MYO9A: variants seen among roughly 807,000 people sequenced by gnomAD.
MYO9A encodes unconventional myosin-IXa.
A neutral mutation model predicts 293.3 loss-of-function variants in MYO9A; 103 were observed. That is an observed-to-expected ratio of 0.35 (90% CI 0.30 to 0.41). The LOEUF is 0.41. Among genes scored for constraint, MYO9A ranks in the 10% least tolerant of loss-of-function variants. MYO9A has a pLI of 1.00. For synonymous variants in MYO9A, 1,001 were observed against 1,035.7 expected (o/e 0.97, Z 0.64); for missense variants, 2,685 against 3,033.0 (o/e 0.89, Z 2.69).
intron 1 of MYO9A, among the ~76,000 whole-genome samples, chr15:72,077,742 AAAAAAAAAAAATATATATATATAT>A (rs2079404359): frequency 2.9e-5 from 1 of 33,966 alleles, no homozygotes; most frequent in South Asian, 8.8e-4. Flanking sequence ...AGAAAAAAAA[AAAAAAAAAAAATATATATATATAT>A]ATATATATAT....
chr15:72,041,076 C>T lies in MYO9A; in HGVS notation c.840+4648G>A, dbSNP rs1355761564. On this transcript the variant is annotated intron_variant, in intron 2 of 41. Coordinates refer to ENST00000356056, the MANE Select transcript of MYO9A (RefSeq NM_006901.4). ...CCTGGGCAACATGGTAAAACTCCAT[C>T]TCTACAAAAAATACAAAAATTAGCC... is the stretch of plus-strand genomic sequence containing the variant. 3 of 458,590 alleles carry T rather than the reference C, an allele frequency of 6.5e-6. No individual in the cohort carries two copies. The East Asian group carries it at 1.8e-4, about 27-fold the overall frequency. 28.4% of individuals were successfully genotyped at this position (458,590 alleles called of 1,614,324 possible). A position where few individuals can be genotyped will look rare whatever the true frequency, so the allele number is the denominator to read the frequency against.
chr15:71,829,738 T>C (rs1291621923), intron 40 of MYO9A, among the ~76,000 whole-genome samples: 1 of 152,136 alleles, frequency 6.6e-6, no homozygotes, highest in Non-Finnish European at 1.5e-5. Context: ...AATCTGTTCA[T>C]GGAGGCTGGT....
chr15:71,880,942 T>C (rs2056855191), intron 28 of MYO9A, among the ~76,000 whole-genome samples: 1 of 152,200 alleles, frequency 6.6e-6, no homozygotes, highest in Admixed American at 6.5e-5. Context: ...AACAAAGTCA[T>C]AGCTTTGCTA....
chr15:71,926,180 G>A (rs1393173109), intron 18 of MYO9A, among the ~76,000 whole-genome samples: 1 of 152,164 alleles, frequency 6.6e-6, no homozygotes, highest in East Asian at 1.9e-4. Flanking sequence ...GGCTACGGGT[G>A]TTTACAAAGT....
At chr15:71,927,482 T>C (rs962634244) in intron 18 of MYO9A, among the ~76,000 whole-genome samples, 1 of 152,156 alleles carries the variant, frequency 6.6e-6, no homozygotes, top group East Asian at 1.9e-4. Context: ...CAATTGTCCC[T>C]CAATATCCAT....
intron 11 of MYO9A, 58 bp downstream of exon 11, chr15:71,991,045 A>G (rs2076531584): frequency 1.5e-6 from 2 of 1,376,430 alleles, no homozygotes; most frequent in Non-Finnish European, 1.9e-6. Flanking sequence ...ATTATTATGA[A>G]TATGACTCAA....
At chr15:71,913,486 G>C (rs948029674) in intron 19 of MYO9A, among the ~76,000 whole-genome samples, 6 of 151,956 alleles carry the variant, frequency 3.9e-5, no homozygotes, top group African/African-American at 1.2e-4. Flanking sequence ...CATGTTTTTT[G>C]TTATGTCTTT....
chr15:71,904,204 A>G (rs1482530909), intron 20 of MYO9A, among the ~76,000 whole-genome samples, 165 bp from the exon 21 acceptor site: 1 of 152,256 alleles, frequency 6.6e-6, no homozygotes, highest in Non-Finnish European at 1.5e-5. Flanking sequence ...CTCAGCTGGT[A>G]GCTTCAGAAA....
chr15:71,904,490 T>C (rs527323531), intron 20 of MYO9A, among the ~76,000 whole-genome samples: 4 of 152,222 alleles, frequency 2.6e-5, no homozygotes, highest in African/African-American at 9.6e-5. Context: ...TTGTCTCTAC[T>C]AAAAATACAA....
intron 1 of MYO9A, among the ~76,000 whole-genome samples, chr15:72,057,194 G>A (rs999128770): frequency 5.3e-5 from 8 of 152,024 alleles, no homozygotes; most frequent in Non-Finnish European, 8.8e-5. Flanking sequence ...GCTTGAACCC[G>A]GGAGGCGGAG....
chr15:72,110,167 G>A (rs576735258), intron 1 of MYO9A, among the ~76,000 whole-genome samples: 9 of 151,896 alleles, frequency 5.9e-5, no homozygotes, highest in Non-Finnish European at 8.8e-5. Context: ...CGGGTGTGGT[G>A]GCTCACACCT....
chr15:71,936,970 A>G (rs1362240456), intron 16 of MYO9A, among the ~76,000 whole-genome samples: 3 of 144,004 alleles, frequency 2.1e-5, no homozygotes, highest in Non-Finnish European at 4.6e-5. Context: ...GGAGAGAGAG[A>G]GGAGAGAGTG....
At chr15:72,030,338 G>T (rs879424867) in intron 3 of MYO9A, among the ~76,000 whole-genome samples, 6 of 152,064 alleles carry the variant, frequency 3.9e-5, no homozygotes, top group Admixed American at 6.6e-5. Context: ...CTAGTAAAAA[G>T]CATAACTTTT....
chr15:72,006,597 G>A (rs929427161), intron 8 of MYO9A, among the ~76,000 whole-genome samples: 1 of 152,206 alleles, frequency 6.6e-6, no homozygotes, highest in Non-Finnish European at 1.5e-5. Flanking sequence ...TATTCTGTAT[G>A]ATACTATAAT....
intron 18 of MYO9A, among the ~76,000 whole-genome samples, chr15:71,924,813 G>C (rs1001086533): frequency 6.6e-6 from 1 of 151,998 alleles, no homozygotes; most frequent in Non-Finnish European, 1.5e-5. Context: ...CCAGCTATTT[G>C]GGAGGTTGAG....
At chr15:72,054,710 G>A (rs1182055943) in intron 1 of MYO9A, among the ~76,000 whole-genome samples, 1 of 141,736 alleles carries the variant, frequency 7.1e-6, no homozygotes, top group African/African-American at 2.6e-5. Flanking sequence ...AAAAGCAGGA[G>A]TATTGTGAGT....
chr15:71,946,403 T>C (rs1283419031), intron 15 of MYO9A, among the ~76,000 whole-genome samples: 1 of 152,224 alleles, frequency 6.6e-6, no homozygotes, highest in African/African-American at 2.4e-5. Flanking sequence ...TTTTCTTGGG[T>C]TGATTTTAAT....
chr15:71,925,644 G>C (rs1273119741), intron 18 of MYO9A, among the ~76,000 whole-genome samples: 1 of 150,704 alleles, frequency 6.6e-6, no homozygotes, highest in African/African-American at 2.4e-5. Flanking sequence ...TAACAACTTT[G>C]CATACAAATA....
intron 1 of MYO9A, among the ~76,000 whole-genome samples, chr15:72,094,104 A>C (rs2080003674): frequency 1.1e-5 from 1 of 89,212 alleles, no homozygotes; most frequent in African/African-American, 2.6e-5. Flanking sequence ...CAGGAACTTG[A>C]GAGGCTGAGG....
Sources: gnomAD v4.1 joint callset for allele counts (sites outside exome capture counted in the v4.1 genomes callset) on GRCh38, gnomAD v4.1.1 for gene constraint, MANE v1.5 for transcripts, NCBI Gene and HGNC (gene_info 2026-07-23, HGNC 2026-07-21) for gene names.